Variants in PPTC7 observed in about 807,000 individuals in gnomAD.
PPTC7 encodes the protein protein phosphatase PTC7 homolog.
In PPTC7, 6 loss-of-function variants were observed where a neutral mutation model predicts 30.8. The ratio of observed to expected loss-of-function variants is 0.19; its 90% confidence interval spans 0.11 to 0.38. PPTC7 has a LOEUF of 0.38. Ranked by LOEUF, PPTC7 falls within the 10% of genes least tolerant of loss-of-function variation. The pLI, the probability that PPTC7 is intolerant of heterozygous loss-of-function variation, is 1.00. For missense variants in PPTC7, 218 were observed against 404.8 expected, an observed-to-expected ratio of 0.54 and a Z score of 3.96; for synonymous variants, 163 against 168.1, an observed-to-expected ratio of 0.97 and a Z score of 0.23.
rs2064207950 is a variant in PPTC7, at chr12:110,534,960, A to G, written c.*2077T>C. 1 of 152,674 alleles carries G rather than the reference A, an allele frequency of 6.5e-6. No homozygotes were observed. Among genetic ancestry groups the G allele is most frequent in the African/African-American group, 2.4e-5 (1 of 41,464 alleles). 9.5% of individuals were successfully genotyped at this position (152,674 alleles called of 1,614,324 possible). A position where few individuals can be genotyped will look rare whatever the true frequency, so the allele number is the denominator to read the frequency against. Reference sequence around the variant, plus strand: ...CAAAATATATCCAGATCATAAGGCTACATACTCTTACCAAAAATAATTGAA... The same window carrying G: ...CAAAATATATCCAGATCATAAGGCTGCATACTCTTACCAAAAATAATTGAA... On this transcript the variant is annotated 3_prime_UTR_variant, in exon 6 of 6. Coordinates refer to ENST00000354300, the MANE Select transcript of PPTC7 (RefSeq NM_139283.2).
intron 1 of PPTC7, among the ~76,000 whole-genome samples, chr12:110,578,928 A>AGGCACTTTGGGAGGC (rs2064612467): frequency 6.6e-6 from 1 of 152,124 alleles, no homozygotes; most frequent in Non-Finnish European, 1.5e-5. Context: ...GGTGGATGAC[A>AGGCACTTTGGGAGGC]TGAGGTCAGG....
At chr12:110,574,709 T>C (rs568614999) in intron 1 of PPTC7, among the ~76,000 whole-genome samples, 4 of 152,308 alleles carry the variant, frequency 2.6e-5, no homozygotes, top group East Asian at 3.9e-4. Context: ...ATTTATGATA[T>C]GCAATTTTGT....
intron 1 of PPTC7, among the ~76,000 whole-genome samples, chr12:110,565,664 T>A (rs1386789636): frequency 6.6e-6 from 1 of 152,224 alleles, no homozygotes; most frequent in East Asian, 1.9e-4. Flanking sequence ...CATTTAATAT[T>A]AAAACTATTC....
Position 110,551,969 on chromosome 12 carries a change from C to G in PPTC7, c.224-1G>C. ...CAGCCTCCTACACCATCTGCAACCCCTGAAGAAAAAACAAAAATTACAGTA... is the reference window on the plus strand; with the variant it reads ...CAGCCTCCTACACCATCTGCAACCCGTGAAGAAAAAACAAAAATTACAGTA... On this transcript the variant is annotated splice_acceptor_variant, in intron 1 of 5. Coordinates refer to ENST00000354300, the MANE Select transcript of PPTC7 (RefSeq NM_139283.2). LOFTEE classifies it high-confidence loss of function. 1 of 1,590,612 alleles carries G rather than the reference C, an allele frequency of 6.3e-7. No homozygotes were observed. The highest frequency in any genetic ancestry group is 8.6e-7 in the Non-Finnish European group (1 of 1,166,842).
chr12:110,568,253 G>GTTT (rs1195913504), intron 1 of PPTC7, among the ~76,000 whole-genome samples: 2 of 132,034 alleles, frequency 1.5e-5, no homozygotes, highest in Non-Finnish European at 3.2e-5. Flanking sequence ...AATCTCATGC[G>GTTT]TTTTTTTTTT....
intron 1 of PPTC7, among the ~76,000 whole-genome samples, chr12:110,582,023 C>T (rs1387507285): frequency 1.3e-5 from 2 of 152,150 alleles, no homozygotes; most frequent in African/African-American, 2.4e-5. Flanking sequence ...CCCTTTCTGC[C>T]AGCTCTCTCC....
At chr12:110,549,059 C>T (rs991389861) in intron 2 of PPTC7, among the ~76,000 whole-genome samples, 1 of 152,082 alleles carries the variant, frequency 6.6e-6, no homozygotes, top group East Asian at 1.9e-4. Flanking sequence ...GGAACCCAGG[C>T]GAGTCCCTCA....
intron 1 of PPTC7, among the ~76,000 whole-genome samples, chr12:110,552,974 G>A (rs1189814475): frequency 6.6e-6 from 1 of 151,966 alleles, no homozygotes. Flanking sequence ...CTGAGGTCAG[G>A]AGATCGAGAC....
chr12:110,543,769 C>G (rs1221529346), intron 3 of PPTC7, among the ~76,000 whole-genome samples: 1 of 152,190 alleles, frequency 6.6e-6, no homozygotes, highest in African/African-American at 2.4e-5. Flanking sequence ...CTGCTGGAAA[C>G]TTTTGACCGC....
At chr12:110,573,853 T>C (rs542924777) in intron 1 of PPTC7, among the ~76,000 whole-genome samples, 26 of 152,108 alleles carry the variant, frequency 1.7e-4, no homozygotes, top group Non-Finnish European at 2.1e-4. Context: ...TGGTGGCACA[T>C]GCCTGTAATC....
In PPTC7 at chr12:110,539,802, C is replaced by A; in HGVS notation, c.726+20G>T. On this transcript the variant is annotated intron_variant, in intron 4 of 5. Transcript: ENST00000354300. ...CAGAGAGGGCCACTTTTCCCAAGAGCTAACCTTTGAGTTAATTACCTTTAA... is the reference window on the plus strand; with the variant it reads ...CAGAGAGGGCCACTTTTCCCAAGAGATAACCTTTGAGTTAATTACCTTTAA... 6.2e-7 allele frequency: 1 copy of A among 1,612,200 alleles called. No individual in the cohort carries two copies. Among genetic ancestry groups the A allele is most frequent in the Non-Finnish European group, 8.5e-7 (1 of 1,178,968 alleles).
chr12:110,573,139 C>T (rs1219191266), intron 1 of PPTC7, among the ~76,000 whole-genome samples: 1 of 152,168 alleles, frequency 6.6e-6, no homozygotes, highest in African/African-American at 2.4e-5. Context: ...TTTGGCCTCC[C>T]AAAGTGTTGG....
At chr12:110,570,965 G>A (rs1032819591) in intron 1 of PPTC7, among the ~76,000 whole-genome samples, 5 of 152,150 alleles carry the variant, frequency 3.3e-5, no homozygotes, top group East Asian at 1.9e-4. Context: ...CCCACCTTAC[G>A]AGAAACACCC....
At chr12:110,551,075 T>C (rs2064346654) in intron 2 of PPTC7, among the ~76,000 whole-genome samples, 2 of 152,170 alleles carry the variant, frequency 1.3e-5, no homozygotes. Context: ...CAGCTTTAAG[T>C]CGTTTCTTTT....
Position 110,534,093 on chromosome 12 carries a change from T to TATGG in PPTC7, c.*2940_*2943dup, listed in dbSNP as rs139663602. On this transcript the variant is annotated 3_prime_UTR_variant, in exon 6 of 6. Coordinates refer to ENST00000354300, the MANE Select transcript of PPTC7 (RefSeq NM_139283.2). ...CCCATTTCTTTTAGTTTTTAGAGCCTATGGACTCTACTGCATCTCCATTTG... is the reference window on the plus strand; with the variant it reads ...CCCATTTCTTTTAGTTTTTAGAGCCTATGGATGGACTCTACTGCATCTCCATTTG... The TATGG allele has an allele frequency of 2.6e-3, 393 of 152,046 alleles. 2 individuals are homozygous for TATGG. Among genetic ancestry groups the TATGG allele is most frequent in the African/African-American group, 9.0e-3 (374 of 41,406 alleles). The allele number at this position is 152,046 out of a possible 1,614,324, so 9.4% of individuals were successfully genotyped here. A position where few individuals can be genotyped will look rare whatever the true frequency, so the allele number is the denominator to read the frequency against.
At chr12:110,570,088 A>T (rs925946571) in intron 1 of PPTC7, among the ~76,000 whole-genome samples, 50 of 152,114 alleles carry the variant, frequency 3.3e-4, no homozygotes, top group African/African-American at 1.2e-3. Context: ...GTGTAGAAAG[A>T]AGTAGACATG....
At position 110,548,514 on chromosome 12, in the gene PPTC7, G is replaced by A. The variant is rs372485294; in HGVS notation, c.404-2436C>T. ...CAGATAACCCGCTCCATAGCTTACA[G>A]TAGGACAAAGATTGCCCATTACCTT... On this transcript the variant is annotated intron_variant, in intron 2 of 5. Transcript: ENST00000354300. Among the ~76,000 whole-genome samples, 249 of 152,276 alleles carry A rather than the reference G, an allele frequency of 1.6e-3. 2 individuals carry two copies. Among genetic ancestry groups the A allele is most frequent in the African/African-American group, 5.8e-3 (241 of 41,546 alleles).
At chr12:110,551,333 G>T (rs1218901009) in intron 2 of PPTC7, among the ~76,000 whole-genome samples, 1 of 152,062 alleles carries the variant, frequency 6.6e-6, no homozygotes, top group African/African-American at 2.4e-5. Context: ...ACGTATTCTG[G>T]TTAGCCTATA....
In PPTC7 at chr12:110,583,057, C is replaced by CG. The variant is rs2064654042; in HGVS notation, c.-27dup. On this transcript the variant is annotated 5_prime_UTR_variant, in exon 1 of 6. Transcript: ENST00000354300. Reference sequence around the variant, plus strand: ...CGCCGCCGCCGCCCCCCCGAGGAGGCGGGGGGCCGGGGGAGCAGGAGGACG... The same window carrying CG: ...CGCCGCCGCCGCCCCCCCGAGGAGGCGGGGGGGCCGGGGGAGCAGGAGGACG... 7.4e-7 allele frequency: 1 copy of CG among 1,357,934 alleles called. No individual in the cohort carries two copies. The allele number at this position is 1,357,934 out of a possible 1,614,324, so 84.1% of individuals were successfully genotyped here.
Sources: allele counts gnomAD v4.1 joint callset (sites outside exome capture counted in the v4.1 genomes callset), GRCh38; gene constraint gnomAD v4.1.1; transcripts MANE v1.5; gene names NCBI Gene and HGNC (gene_info 2026-07-23, HGNC 2026-07-21).